The following SVOPL variants were observed in gnomAD, a reference collection of about 807,000 sequenced individuals.
The protein encoded by SVOPL is putative transporter SVOPL.
Under a neutral mutation model 61.0 loss-of-function variants are expected in SVOPL, and 60 were observed. That is an observed-to-expected ratio of 0.98 (90% CI 0.80 to 1.22). The LOEUF (loss-of-function observed/expected upper bound fraction) is 1.22. SVOPL is among the 50% of genes most tolerant of loss of function. The pLI is 0.00. For synonymous variants in SVOPL, 279 were observed against 250.0 expected (o/e 1.12, Z -1.09); for missense variants, 662 against 643.9 (o/e 1.03, Z -0.30).
At chr7:138,596,218 T>C (rs892773993) in intron 15 of SVOPL, among the ~76,000 whole-genome samples, 199 bp downstream of exon 15, 1 of 141,224 alleles carries the variant, frequency 7.1e-6, no homozygotes, top group Non-Finnish European at 1.6e-5. Context: ...GAAAGAAAAG[T>C]GGGAAGGATA....
At chr7:138,664,908 G>A in intron 4 of SVOPL, among the ~76,000 whole-genome samples, 1 of 63,826 alleles carries the variant, frequency 1.6e-5, no homozygotes. Context: ...CCCCCAACCA[G>A]CCCCGCGCTC....
At chr7:138,671,893 C>T in intron 4 of SVOPL, 126 bp downstream of exon 4, 1 of 773,952 alleles carries the variant, frequency 1.3e-6, no homozygotes, top group Non-Finnish European at 2.1e-6. Context: ...TGCTGCAAAC[C>T]CTTGAGTTTT....
chr7:138,687,937 G>T (rs918327731), intron 1 of SVOPL, among the ~76,000 whole-genome samples: 5 of 152,058 alleles, frequency 3.3e-5, no homozygotes, highest in African/African-American at 1.2e-4. Context: ...GAGTAGCTGG[G>T]ATTACAGGTG....
At chr7:138,689,873 A>AAAT (rs36027790) in intron 1 of SVOPL, among the ~76,000 whole-genome samples, 32 of 151,420 alleles carry the variant, frequency 2.1e-4, no homozygotes, top group African/African-American at 7.5e-4. Context: ...AAAAAAAAAA[A>AAAT]GATGAAATTA....
At chr7:138,662,174 C>T (rs1455595042) in intron 5 of SVOPL, 21 of 985,488 alleles carry the variant, frequency 2.1e-5, no homozygotes, top group Non-Finnish European at 2.5e-5. Context: ...CTGCAGAGAA[C>T]TTCTGCTTTC....
intron 14 of SVOPL, chr7:138,597,394 C>T (rs781075312): frequency 1.2e-5 from 4 of 341,932 alleles, no homozygotes; most frequent in Non-Finnish European, 2.0e-5. Flanking sequence ...GATCCTGACA[C>T]ACAGCCTAGT....
intron 1 of SVOPL, among the ~76,000 whole-genome samples, chr7:138,697,931 C>T (rs1481709976): frequency 3.4e-5 from 5 of 149,200 alleles, no homozygotes; most frequent in South Asian, 4.2e-4. Context: ...GAAATCTTTA[C>T]GTATAATTTT....
At position 138,678,982 on chromosome 7, in the gene SVOPL, C is replaced by A; in HGVS notation, c.64G>T (p.Ala22Ser). The change falls in exon 2 of 16, where the codon GCA becomes TCA. Residue 22 changes from alanine to serine, a missense_variant. Transcript: ENST00000674285. ...LSLRKLSLGTAEPQVKEPKTF... is the reference protein window; with the variant it reads ...LSLRKLSLGTSEPQVKEPKTF... Reference sequence around the variant, plus strand: ...ATCTCACCTTTAACCTGTGGCTCTGCGGTCCCCAGGCTCAATTTCCGAAGG... The same window carrying A: ...ATCTCACCTTTAACCTGTGGCTCTGAGGTCCCCAGGCTCAATTTCCGAAGG... 3 of 1,551,468 alleles carry A rather than the reference C, an allele frequency of 1.9e-6. No homozygotes were observed. The highest frequency in any genetic ancestry group is 2.6e-6 in the Non-Finnish European group (3 of 1,146,870).
At chr7:138,619,028 T>C (rs1467968039) in intron 14 of SVOPL, among the ~76,000 whole-genome samples, 1 of 152,034 alleles carries the variant, frequency 6.6e-6, no homozygotes, top group Non-Finnish European at 1.5e-5. Context: ...CCAGGGAAAA[T>C]GTTCCAGGTG....
chr7:138,626,344 G>T (rs544446090), intron 12 of SVOPL, among the ~76,000 whole-genome samples: 2 of 152,126 alleles, frequency 1.3e-5, no homozygotes, highest in South Asian at 2.1e-4. Context: ...TTGGGAGGCC[G>T]AGGCAGCTAG....
chr7:138,619,581 AAAAAAAAG>A (rs1406010457), intron 14 of SVOPL, among the ~76,000 whole-genome samples: 1 of 150,762 alleles, frequency 6.6e-6, no homozygotes, highest in Non-Finnish European at 1.5e-5. Context: ...AAAAAAAAAA[AAAAAAAAG>A]TGAAAAAGAC....
chr7:138,622,140 A>C (rs1315232890), intron 13 of SVOPL, among the ~76,000 whole-genome samples: 18 of 127,104 alleles, frequency 1.4e-4, no homozygotes, highest in African/African-American at 3.4e-4. Flanking sequence ...CTATCTATGT[A>C]TCTATCTATG....
In SVOPL at chr7:138,664,280, C is replaced by T; in HGVS notation, c.274-1135G>A. 5.1e-6 allele frequency: 5 copies of T among 980,438 alleles called. No individual in the cohort carries two copies. In the South Asian group the frequency reaches 2.4e-4, roughly 46 times the overall value. The allele number at this position is 980,438 out of a possible 1,614,324, so 60.7% of individuals were successfully genotyped here. A position where few individuals can be genotyped will look rare whatever the true frequency, so the allele number is the denominator to read the frequency against. On this transcript the variant is annotated intron_variant, in intron 4 of 15. Coordinates refer to ENST00000674285, the MANE Select transcript of SVOPL (RefSeq NM_001139456.2). ...CTAACCCTCCAGCGTCCTTGAGCTC[C>T]CATCGGGCACGCGCCTAACCCTCCA...
At chr7:138,675,585 A>C (rs1802539003) in intron 3 of SVOPL, among the ~76,000 whole-genome samples, 1 of 152,008 alleles carries the variant, frequency 6.6e-6, no homozygotes, top group Non-Finnish European at 1.5e-5. Flanking sequence ...CCAACTCCTG[A>C]CCACAGGTGA....
intron 13 of SVOPL, among the ~76,000 whole-genome samples, chr7:138,622,098 C>CTATG (rs1563096219): frequency 1.0e-4 from 7 of 69,128 alleles, no homozygotes; most frequent in African/African-American, 2.2e-4. Context: ...ATGTATCTAT[C>CTATG]TATCTATCTA....
intron 6 of SVOPL, among the ~76,000 whole-genome samples, chr7:138,658,871 C>A (rs904065242): frequency 6.6e-6 from 1 of 151,730 alleles, no homozygotes. Flanking sequence ...TTGAAGTGCC[C>A]CCCCGCCCCA....
chr7:138,627,872 C>T (rs893944606), intron 11 of SVOPL, among the ~76,000 whole-genome samples: 1 of 152,048 alleles, frequency 6.6e-6, no homozygotes, highest in African/African-American at 2.4e-5. Context: ...CTGTCAATTG[C>T]TATCTAACAA....
chr7:138,613,654 T>C (rs1161858783), intron 14 of SVOPL, among the ~76,000 whole-genome samples: 1 of 152,128 alleles, frequency 6.6e-6, no homozygotes, highest in African/African-American at 2.4e-5. Context: ...GTCACCCCTT[T>C]TACTCATTAC....
intron 9 of SVOPL, among the ~76,000 whole-genome samples, chr7:138,641,184 G>A (rs1329862777): frequency 6.8e-6 from 1 of 148,080 alleles, no homozygotes; most frequent in East Asian, 2.0e-4. Context: ...AGGTGACAGA[G>A]TGAGACCCCA....
Sources: gnomAD v4.1 joint callset for allele counts (sites outside exome capture counted in the v4.1 genomes callset) on GRCh38, gnomAD v4.1.1 for gene constraint, MANE v1.5 for transcripts, NCBI Gene and HGNC (gene_info 2026-07-23, HGNC 2026-07-21) for gene names.